The following RETN variants were observed in gnomAD, a reference collection of about 807,000 sequenced individuals.
RETN encodes the protein C/EBP-epsilon regulated myeloid-specific secreted cysteine-rich protein precursor 1.
RETN carries 5 observed loss-of-function variants against 6.1 expected under a neutral mutation model. That is an observed-to-expected ratio of 0.82 (90% CI 0.43 to 1.73). The LOEUF is 1.73. Among genes scored for constraint, RETN ranks in the 40% most tolerant of loss-of-function variants. RETN has a pLI of 0.02. For missense variants in RETN, 168 were observed against 142.5 expected, an observed-to-expected ratio of 1.18 and a Z score of -0.91; for synonymous variants, 62 against 59.2, an observed-to-expected ratio of 1.05 and a Z score of -0.22.
At chr19:7,670,024 C>T (rs1464870355) in intron 3 of RETN, 126 bp downstream of exon 3, 10 of 952,850 alleles carry the variant, frequency 1.0e-5, no homozygotes, top group Non-Finnish European at 8.1e-6. Flanking sequence ...GACTCCCAGC[C>T]TTCTCCGCCC....
In RETN at chr19:7,669,364, G is replaced by A; in HGVS notation, c.38G>A (p.Gly13Glu). 6.2e-7 allele frequency: 1 copy of A among 1,613,936 alleles called. No homozygotes were observed. Among genetic ancestry groups the A allele is most frequent in the African/African-American group, 1.3e-5 (1 of 74,976 alleles). Residue 13 changes from glycine to glutamate, a missense_variant, in exon 2 of 4, where the codon GGG (glycine) becomes GAG (glutamate). Physicochemically the swap from Gly to Glu is moderately conservative, Grantham distance 98. Transcript: ENST00000221515. The part of the protein sequence containing the change: ...ALCLLLLPVL[G>E]LLVSSKTLCS... The stretch of plus-strand genomic sequence containing the variant: ...TGTCTCCTCCTCCTCCCTGTCCTGG[G>A]GCTGTTGGTGTCTAGCAAGACCCTG...
chr19:7,670,199 T>C lies in RETN; in HGVS notation c.197-20T>C. On this transcript the variant is annotated intron_variant, in intron 3 of 3. Coordinates refer to ENST00000221515, the MANE Select transcript of RETN (RefSeq NM_020415.4). Reference sequence around the variant, plus strand: ...CAGCCTCCCAGCTCAGAGTCCACGCTCCTGTGTTCCGGGCTGCAGGCTTCG... The same window carrying C: ...CAGCCTCCCAGCTCAGAGTCCACGCCCCTGTGTTCCGGGCTGCAGGCTTCG... The C allele has an allele frequency of 6.4e-7, 1 of 1,550,968 alleles. No individual in the cohort carries two copies. Among genetic ancestry groups the C allele is most frequent in the African/African-American group, 1.4e-5 (1 of 69,428 alleles).
chr19:7,670,117 C>CA (rs2032472495), intron 3 of RETN, 102 bp from the exon 4 acceptor site: 1 of 565,272 alleles, frequency 1.8e-6, no homozygotes, highest in Admixed American at 2.7e-5. Flanking sequence ...TCCCCGTCCC[C>CA]ACCCCCGCCC....
Position 7,669,435 on chromosome 19 carries a change from G to A in RETN, c.109G>A (p.Gly37Ser), listed in dbSNP as rs748037159. The stretch of plus-strand genomic sequence containing the variant: ...CAATGAGAGGATCCAGGAGGTCGCC[G>A]GCTCCCTAAGTGAGGACCCCCCACT... ...AINERIQEVA[G>S]SLIFRAISSI... Residue 37 changes from glycine to serine, a missense_variant, in exon 2 of 4, where the codon GGC becomes AGC. Transcript: ENST00000221515. 1.6e-5 allele frequency: 26 copies of A among 1,612,880 alleles called. No homozygotes were observed. Among genetic ancestry groups the A allele is most frequent in the African/African-American group, 4.0e-5 (3 of 74,812 alleles).
rs991111160 is a variant in RETN, at chr19:7,669,967, G to T, written c.196+69G>T. The T allele has an allele frequency of 8.2e-6, 10 of 1,217,698 alleles. No homozygotes were observed. The African/African-American group carries it at 1.2e-4, about 14-fold the overall frequency. The allele number at this position is 1,217,698 out of a possible 1,614,324, so 75.4% of individuals were successfully genotyped here. A position where few individuals can be genotyped will look rare whatever the true frequency, so the allele number is the denominator to read the frequency against. ...AGTCCCCTGGGAATGCCCCCTCCCC[G>T]CCACGTTCCCCGTGTCCAGCCTCTA... On this transcript the variant is annotated intron_variant, in intron 3 of 3. Coordinates refer to ENST00000221515, the MANE Select transcript of RETN (RefSeq NM_020415.4).
chr19:7,670,130 C>CCCCCA, intron 3 of RETN, 89 bp from the exon 4 acceptor site: 1 of 537,418 alleles, frequency 1.9e-6, no homozygotes, highest in South Asian at 1.9e-5. Flanking sequence ...CCCCGCCCCC[C>CCCCCA]CAACCCCCCT....
intron 2 of RETN, 24 bp from the exon 3 acceptor site, chr19:7,669,795 CTG>C: frequency 6.2e-7 from 1 of 1,608,682 alleles, no homozygotes; most frequent in South Asian, 1.1e-5. Context: ...ACAGCTCCCC[CTG>C]TCTCCTTTCC....
exon 4 of RETN, chr19:7,670,454 GATGATGAT>G (rs2032486478): frequency 1.7e-5 from 22 of 1,270,032 alleles, no homozygotes; most frequent in African/African-American, 3.0e-5. Flanking sequence ...TGATGATGAT[GATGATGAT>G]GGAGCGGATC....
Position 7,670,357 on chromosome 19 carries a change from C to T in RETN, c.*8C>T. On this transcript the variant is annotated 3_prime_UTR_variant, in exon 4 of 4. Transcript: ENST00000221515. The stretch of plus-strand genomic sequence containing the variant: ...TGTCGTGTGCAGCCCTGAGGTCGCG[C>T]GCAGCGCGTGCACAGCGCGGGCGGA... 6.5e-7 allele frequency: 1 copy of T among 1,545,082 alleles called. No homozygotes were observed. The highest frequency in any genetic ancestry group is 8.7e-7 in the Non-Finnish European group (1 of 1,149,604).
chr19:7,670,449 AT>A lies in RETN; in HGVS notation c.*101del. 12 of 1,255,276 alleles carry A rather than the reference AT, an allele frequency of 9.6e-6. No homozygotes were observed. Among genetic ancestry groups the A allele is most frequent in the African/African-American group, 1.5e-5 (1 of 67,042 alleles). 77.8% of individuals were successfully genotyped at this position (1,255,276 alleles called of 1,614,324 possible). ...AAACCTGGAGATGATGATGATGATG[AT>A]GATGATGATGATGGAGCGGATCTGA... On this transcript the variant is annotated 3_prime_UTR_variant, in exon 4 of 4. Coordinates refer to ENST00000221515, the MANE Select transcript of RETN (RefSeq NM_020415.4).
chr19:7,669,866 C>T lies in RETN; in HGVS notation c.164C>T (p.Thr55Ile). ...ATTGGCCTGGAGTGCCAGAGCGTCA[C>T]CTCCAGGGGGGACCTGGCTACTTGC... ...SSIGLECQSV[T>I]SRGDLATCPR... The change falls in exon 3 of 4, where the codon ACC becomes ATC. Residue 55 changes from threonine (T) to isoleucine (I), a missense_variant. By Grantham distance (89) the Thr-to-Ile change is moderately conservative (BLOSUM62 -1). Transcript: ENST00000221515. 6.8e-6 allele frequency: 11 copies of T among 1,614,146 alleles called. No homozygotes were observed. The highest frequency in any genetic ancestry group is 9.3e-6 in the Non-Finnish European group (11 of 1,180,008).
chr19:7,670,430 GGA>G lies in RETN; in HGVS notation c.*84_*85del. 1 of 1,291,122 alleles carries G rather than the reference GGA, an allele frequency of 7.7e-7. No individual in the cohort carries two copies. The highest frequency in any genetic ancestry group is 1.4e-5 in the South Asian group (1 of 71,784). 80.0% of individuals were successfully genotyped at this position (1,291,122 alleles called of 1,614,324 possible). On this transcript the variant is annotated 3_prime_UTR_variant, in exon 4 of 4. Coordinates refer to ENST00000221515, the MANE Select transcript of RETN (RefSeq NM_020415.4). The stretch of plus-strand genomic sequence containing the variant: ...TTGCGGGGGAGCTGGAAATAAACCT[GGA>G]GATGATGATGATGATGATGATGATG...
At position 7,669,852 on chromosome 19, in the gene RETN, G is replaced by C. The variant is rs370553522; in HGVS notation, c.150G>C (p.Glu50Asp). 13 of 1,614,118 alleles carry C rather than the reference G, an allele frequency of 8.1e-6. No homozygotes were observed. In the African/African-American group the frequency reaches 9.3e-5, roughly 12 times the overall value. The change falls in exon 3 of 4, where the codon GAG (glutamate) becomes GAC (aspartate). Residue 50 changes from glutamate to aspartate, a missense_variant. Glu to Asp is a conservative substitution (Grantham distance 45). Transcript: ENST00000221515. ...GGGCAATAAGCAGCATTGGCCTGGA[G>C]TGCCAGAGCGTCACCTCCAGGGGGG... ...IFRAISSIGL[E>D]CQSVTSRGDL...
intron 3 of RETN, 62 bp from the exon 4 acceptor site, chr19:7,670,157 C>A (rs1456711115): frequency 3.5e-6 from 3 of 861,118 alleles, no homozygotes; most frequent in South Asian, 1.4e-5. Flanking sequence ...TCCCCACCCC[C>A]CTCCCGCTCC....
chr19:7,669,450 G>A lies in RETN; in HGVS notation c.118+6G>A. 6.2e-7 allele frequency: 1 copy of A among 1,605,528 alleles called. No homozygotes were observed. Among genetic ancestry groups the A allele is most frequent in the Non-Finnish European group, 8.5e-7 (1 of 1,172,366 alleles). On this transcript the variant is annotated splice_donor_region_variant and intron_variant, in intron 2 of 3. Coordinates refer to ENST00000221515, the MANE Select transcript of RETN (RefSeq NM_020415.4). ...GGAGGTCGCCGGCTCCCTAAGTGAG[G>A]ACCCCCCACTTGGGCAAGCTCCCCA...
At chr19:7,670,125 C>G (rs12981326) in intron 3 of RETN, 94 bp from the exon 4 acceptor site, 55,014 of 513,490 alleles carry the variant, frequency 0.11, 2,906 homozygotes, top group South Asian at 0.13. Context: ...CCCACCCCCG[C>G]CCCCCCAACC....
intron 3 of RETN, 96 bp from the exon 4 acceptor site, chr19:7,670,123 C>CG (rs2032472876): frequency 1.1e-5 from 6 of 529,362 alleles, no homozygotes; most frequent in East Asian, 3.5e-5. Context: ...TCCCCACCCC[C>CG]GCCCCCCCAA....
Position 7,669,983 on chromosome 19 carries a change from C to G in RETN, c.196+85C>G, listed in dbSNP as rs558443709. The G allele has an allele frequency of 2.0e-5, 22 of 1,085,120 alleles. No homozygotes were observed. The East Asian group carries it at 4.9e-4, about 24-fold the overall frequency. 67.2% of individuals were successfully genotyped at this position (1,085,120 alleles called of 1,614,324 possible). ...CCCCTCCCCGCCACGTTCCCCGTGT[C>G]CAGCCTCTACTCCCCTAGGATCTTG... is the stretch of plus-strand genomic sequence containing the variant. On this transcript the variant is annotated intron_variant, in intron 3 of 3. Coordinates refer to ENST00000221515, the MANE Select transcript of RETN (RefSeq NM_020415.4).
rs2032483808 is a variant in RETN at position 7,670,417 on chromosome 19, T to A, written c.*68T>A. 1 of 1,487,282 alleles carries A rather than the reference T, an allele frequency of 6.7e-7. No individual in the cohort carries two copies. Among genetic ancestry groups the A allele is most frequent in the African/African-American group, 1.4e-5 (1 of 70,088 alleles). 92.1% of individuals were successfully genotyped at this position (1,487,282 alleles called of 1,614,324 possible). On this transcript the variant is annotated 3_prime_UTR_variant, in exon 4 of 4. Transcript: ENST00000221515. The stretch of plus-strand genomic sequence containing the variant: ...AGGTCCGGAGGGGTTGCGGGGGAGC[T>A]GGAAATAAACCTGGAGATGATGATG...
Sources: allele counts gnomAD v4.1 joint callset, GRCh38; gene constraint gnomAD v4.1.1; transcripts MANE v1.5; gene names NCBI Gene and HGNC (gene_info 2026-07-23, HGNC 2026-07-21).